Variants in CYTH3 observed in about 807,000 individuals in gnomAD.
The protein encoded by CYTH3 is cytohesin 3.
Under a neutral mutation model 55.1 loss-of-function variants are expected in CYTH3, and 23 were observed. The observed-to-expected ratio is 0.42, with a 90% CI of 0.30 to 0.59. The LOEUF is 0.59. Among genes scored for constraint, CYTH3 ranks in the 20% least tolerant of loss-of-function variants. The pLI is 0.20. For synonymous variants in CYTH3, 249 were observed against 194.9 expected, an observed-to-expected ratio of 1.28 and a Z score of -2.31; for missense variants, 413 against 524.8, an observed-to-expected ratio of 0.79 and a Z score of 2.08.
chr7:6,183,461 A>T (rs1025452272), intron 4 of CYTH3, among the ~76,000 whole-genome samples: 5 of 152,164 alleles, frequency 3.3e-5, no homozygotes, highest in Non-Finnish European at 5.9e-5. Context: ...AGCTTCCTTG[A>T]TCTAATCAAA....
intron 1 of CYTH3, among the ~76,000 whole-genome samples, chr7:6,262,624 T>G (rs1408321870): frequency 6.6e-6 from 1 of 152,166 alleles, no homozygotes. Context: ...ATCCCAACAC[T>G]TTGGATCACT....
At position 6,214,766 on chromosome 7, in the gene CYTH3, C is replaced by G. The variant is rs1005161828; in HGVS notation, c.35-24235G>C. ...TCTCATCTAACCTAAAGGACACATG[C>G]GATTGACAAGATTTCCCACGGTAAT... On this transcript the variant is annotated intron_variant, in intron 1 of 12. Coordinates refer to ENST00000350796, the MANE Select transcript of CYTH3 (RefSeq NM_004227.4). Among the ~76,000 whole-genome samples, 4 of 152,136 alleles carry G rather than the reference C, an allele frequency of 2.6e-5. No individual in the cohort carries two copies. In the East Asian group the frequency reaches 5.8e-4, roughly 22 times the overall value.
chr7:6,217,612 T>C (rs148765776), intron 1 of CYTH3, among the ~76,000 whole-genome samples: 2,843 of 152,340 alleles, frequency 0.019, 39 homozygotes, highest in Non-Finnish European at 0.029. Context: ...GAGAATTCAA[T>C]GCCTTTCTCT....
At chr7:6,240,745 A>G (rs528849312) in intron 1 of CYTH3, among the ~76,000 whole-genome samples, 107 of 152,318 alleles carry the variant, frequency 7.0e-4, no homozygotes, top group African/African-American at 2.4e-3. Context: ...AAGAAAACAG[A>G]TAACATCGGC....
intron 1 of CYTH3, among the ~76,000 whole-genome samples, chr7:6,209,028 G>A (rs1484177648): frequency 3.3e-5 from 5 of 152,186 alleles, no homozygotes; most frequent in Non-Finnish European, 5.9e-5. Flanking sequence ...AATTTGAGAA[G>A]CACTGCTAAA....
chr7:6,202,492 C>T (rs941532778), intron 1 of CYTH3, among the ~76,000 whole-genome samples: 2 of 129,370 alleles, frequency 1.5e-5, no homozygotes, highest in South Asian at 2.4e-4. Flanking sequence ...GACAGGGTTT[C>T]GCTCTTGTTG....
intron 1 of CYTH3, among the ~76,000 whole-genome samples, chr7:6,255,388 G>A (rs920233830): frequency 6.6e-6 from 1 of 152,178 alleles, no homozygotes; most frequent in African/African-American, 2.4e-5. Context: ...TGGCTGACCT[G>A]ATATAGCAAA....
In CYTH3 at chr7:6,164,682, C is replaced by A. The variant is rs1782934318; in HGVS notation, c.*262G>T. ...TGGACATGCGCAGCCGACCATGACC[C>A]CAGCCACGGCAGGAGGCCTCGAGGA... On this transcript the variant is annotated 3_prime_UTR_variant, in exon 13 of 13. Coordinates refer to ENST00000350796, the MANE Select transcript of CYTH3 (RefSeq NM_004227.4). 2 of 534,896 alleles carry A rather than the reference C, an allele frequency of 3.7e-6. No homozygotes were observed. The highest frequency in any genetic ancestry group is 3.3e-5 in the East Asian group (1 of 30,626). 33.1% of individuals were successfully genotyped at this position (534,896 alleles called of 1,614,324 possible). A position where few individuals can be genotyped will look rare whatever the true frequency, so the allele number is the denominator to read the frequency against.
chr7:6,173,526 G>A (rs1031799077), intron 6 of CYTH3, 127 bp downstream of exon 6: 2 of 706,146 alleles, frequency 2.8e-6, no homozygotes, highest in East Asian at 5.0e-5. Flanking sequence ...ATCCGGAAAA[G>A]GAGCCAGCAT....
chr7:6,238,682 T>C (rs903294716), intron 1 of CYTH3, among the ~76,000 whole-genome samples: 14 of 152,188 alleles, frequency 9.2e-5, no homozygotes, highest in African/African-American at 3.4e-4. Context: ...TGAATCCTAA[T>C]GAAAACTCCA....
chr7:6,173,197 G>T, intron 6 of CYTH3: 1 of 342,260 alleles, frequency 2.9e-6, no homozygotes, highest in Non-Finnish European at 4.3e-6. Flanking sequence ...AGGAAGGGCA[G>T]CTCAAGGGGG....
intron 1 of CYTH3, among the ~76,000 whole-genome samples, chr7:6,190,879 C>T (rs1188021242): frequency 6.6e-6 from 1 of 151,726 alleles, no homozygotes; most frequent in Non-Finnish European, 1.5e-5. Flanking sequence ...GAGTTTGAGA[C>T]CAGCCTGGCC....
At chr7:6,255,759 T>G (rs971592862) in intron 1 of CYTH3, among the ~76,000 whole-genome samples, 2 of 98,046 alleles carry the variant, frequency 2.0e-5, no homozygotes, top group Non-Finnish European at 4.0e-5. Context: ...CTTTAATCTG[T>G]TTTTTTTTTT....
chr7:6,175,625 G>A lies in CYTH3; in HGVS notation c.369-1892C>T, dbSNP rs1384358809. 5.9e-5 allele frequency among the ~76,000 whole-genome samples: 8 copies of A among 135,058 alleles called. No homozygotes were observed. In the East Asian group the frequency reaches 1.9e-3, roughly 31 times the overall value. 88.6% of individuals were successfully genotyped at this position (135,058 alleles called of 152,430 possible). A position where few individuals can be genotyped will look rare whatever the true frequency, so the allele number is the denominator to read the frequency against. On this transcript the variant is annotated intron_variant, in intron 5 of 12. Coordinates refer to ENST00000350796, the MANE Select transcript of CYTH3 (RefSeq NM_004227.4). The stretch of plus-strand genomic sequence containing the variant: ...TCCAATAACATGATTTTGACAAACT[G>A]CAGCCTCTGCCTCCTGGGTTCAAGC...
At chr7:6,251,838 C>A (rs893052318) in intron 1 of CYTH3, among the ~76,000 whole-genome samples, 3 of 152,074 alleles carry the variant, frequency 2.0e-5, no homozygotes, top group African/African-American at 7.2e-5. Flanking sequence ...TCTTCACAGG[C>A]ACCATTGGTA....
At chr7:6,272,006 G>A (rs1464329970) in intron 1 of CYTH3, among the ~76,000 whole-genome samples, 1 of 152,010 alleles carries the variant, frequency 6.6e-6, no homozygotes, top group Non-Finnish European at 1.5e-5. Flanking sequence ...CTGTACACTC[G>A]AGGAGCCTCC....
rs760840529 is a variant in CYTH3 at position 6,165,553 on chromosome 7, G to C, written c.964C>G (p.Arg322Gly). 8.1e-6 allele frequency: 13 copies of C among 1,613,774 alleles called. No homozygotes were observed. Among genetic ancestry groups the C allele is most frequent in the Non-Finnish European group, 1.1e-5 (13 of 1,179,858 alleles). Residue 322 changes from arginine (R) to glycine (G), a missense_variant, in exon 11 of 13, where the codon CGG becomes GGG. Transcript: ENST00000350796. ...NLSIREVEDP[R>G]KPNCFELYNP... ...CAGGAGGAAGAGCTTACGGGTTTCC[G>C]GGGGTCCTCCACCTCCCTGATGCTG...
At chr7:6,225,173 A>G (rs1285997956) in intron 1 of CYTH3, among the ~76,000 whole-genome samples, 3 of 152,176 alleles carry the variant, frequency 2.0e-5, no homozygotes, top group East Asian at 1.9e-4. Context: ...TTGAATGTCT[A>G]TTATTAATAA....
chr7:6,230,881 T>G (rs937280099), intron 1 of CYTH3, among the ~76,000 whole-genome samples: 51 of 152,352 alleles, frequency 3.3e-4, no homozygotes, highest in African/African-American at 1.2e-3. Flanking sequence ...TAATTTTCTA[T>G]AATTTTTTTA....
Sources: gnomAD v4.1 joint callset for allele counts (sites outside exome capture counted in the v4.1 genomes callset) on GRCh38, gnomAD v4.1.1 for gene constraint, MANE v1.5 for transcripts, NCBI Gene and HGNC (gene_info 2026-07-23, HGNC 2026-07-21) for gene names.